Variants in AGBL1 observed in about 807,000 individuals in gnomAD.
AGBL1 encodes the protein cytosolic carboxypeptidase 4.
A neutral mutation model predicts 118.9 loss-of-function variants in AGBL1; 130 were observed. That is an observed-to-expected ratio of 1.09 (90% CI 0.95 to 1.26). AGBL1 has a LOEUF of 1.26. Among genes scored for constraint, AGBL1 ranks in the 50% most tolerant of loss-of-function variants. The pLI, the probability that AGBL1 is intolerant of heterozygous loss-of-function variation, is 0.00. For missense variants in AGBL1, 1,584 were observed against 1,298.1 expected (o/e 1.22, Z -3.38); for synonymous variants, 555 against 478.9 (o/e 1.16, Z -2.08).
At chr15:86,794,236 G>C (rs907301582) in intron 22 of AGBL1, among the ~76,000 whole-genome samples, 1 of 152,192 alleles carries the variant, frequency 6.6e-6, no homozygotes, top group South Asian at 2.1e-4. Context: ...ATAAAAAGTG[G>C]TGTGTCTATA....
intron 23 of AGBL1, among the ~76,000 whole-genome samples, chr15:86,953,070 T>C (rs993684405): frequency 3.9e-5 from 6 of 152,172 alleles, no homozygotes; most frequent in South Asian, 4.1e-4. Flanking sequence ...TTTTGGTTAC[T>C]ATAGTTTTAT....
intron 1 of AGBL1, among the ~76,000 whole-genome samples, chr15:86,127,547 G>A (rs1018351183): frequency 1.1e-4 from 17 of 151,272 alleles, no homozygotes; most frequent in African/African-American, 3.0e-4. Context: ...AGCAGGCCAC[G>A]TGGCCGAGGG....
chr15:86,307,432 T>G (rs1054176558), intron 17 of AGBL1, among the ~76,000 whole-genome samples: 7 of 150,452 alleles, frequency 4.7e-5, no homozygotes, highest in African/African-American at 1.7e-4. Context: ...AATTTGTTAG[T>G]TTTTTTTTGC....
intron 22 of AGBL1, among the ~76,000 whole-genome samples, chr15:86,754,918 C>G (rs1465671016): frequency 2.0e-5 from 3 of 152,056 alleles, no homozygotes; most frequent in African/African-American, 7.2e-5. Context: ...CATATCCATC[C>G]TTTGCTTTCG....
At chr15:86,291,735 C>A (rs894937768) in intron 16 of AGBL1, among the ~76,000 whole-genome samples, 1 of 152,038 alleles carries the variant, frequency 6.6e-6, no homozygotes, top group African/African-American at 2.4e-5. Context: ...AGATTTCATG[C>A]TTAGCTAGTT....
intron 21 of AGBL1, among the ~76,000 whole-genome samples, chr15:86,673,919 GAA>G (rs529295362): frequency 1.3e-5 from 2 of 152,176 alleles, no homozygotes; most frequent in Non-Finnish European, 2.9e-5. Context: ...TTTCAGAAGT[GAA>G]AAAAAACCCT....
At chr15:86,729,645 A>G (rs1250207760) in intron 22 of AGBL1, among the ~76,000 whole-genome samples, 3 of 152,192 alleles carry the variant, frequency 2.0e-5, no homozygotes, top group Non-Finnish European at 4.4e-5. Context: ...TCCCTGGTGC[A>G]TATGTACCGC....
intron 21 of AGBL1, among the ~76,000 whole-genome samples, chr15:86,646,259 G>T (rs1213165888): frequency 1.3e-5 from 2 of 152,156 alleles, no homozygotes; most frequent in African/African-American, 4.8e-5. Context: ...AGAGAGCCAT[G>T]CTGATTTGCA....
intron 22 of AGBL1, among the ~76,000 whole-genome samples, chr15:86,877,399 A>G (rs1007041795): frequency 6.6e-6 from 1 of 152,196 alleles, no homozygotes; most frequent in Non-Finnish European, 1.5e-5. Context: ...TCCATGCAGA[A>G]GAGATTGGGC....
At chr15:86,819,359 A>G (rs2078908047) in intron 22 of AGBL1, among the ~76,000 whole-genome samples, 1 of 152,134 alleles carries the variant, frequency 6.6e-6, no homozygotes, top group African/African-American at 2.4e-5. Context: ...TACTTCTCAC[A>G]TGCTTTGCAT....
At position 86,986,013 on chromosome 15, in the gene AGBL1, C is replaced by A. The variant is rs1015451331; in HGVS notation, c.3222-1974C>A. 1.8e-4 allele frequency among the ~76,000 whole-genome samples: 28 copies of A among 151,756 alleles called. No homozygotes were observed. The South Asian group carries it at 5.4e-3, about 29-fold the overall frequency. ...ATCCTGGCTCACTGCAACTTCTGTC[C>A]CCCGGTTTCAAGCCATTCTCCTGTC... On this transcript the variant is annotated intron_variant, in intron 23 of 24. Coordinates refer to the AGBL1 transcript ENST00000441037.
chr15:86,678,542 T>C (rs570941297), intron 22 of AGBL1, among the ~76,000 whole-genome samples: 2 of 152,272 alleles, frequency 1.3e-5, no homozygotes, highest in South Asian at 4.1e-4. Context: ...TTAAAGGTAC[T>C]CAACTTCTGT....
At chr15:86,526,789 T>A (rs1360086121) in intron 19 of AGBL1, among the ~76,000 whole-genome samples, 1 of 151,738 alleles carries the variant, frequency 6.6e-6, no homozygotes, top group African/African-American at 2.4e-5. Flanking sequence ...TCTCATTAAG[T>A]GGGATAAGCT....
chr15:86,422,936 C>T (rs2081812203), intron 18 of AGBL1, among the ~76,000 whole-genome samples: 1 of 152,280 alleles, frequency 6.6e-6, no homozygotes, highest in African/African-American at 2.4e-5. Flanking sequence ...GAAATTGAGG[C>T]AGTACTTGAT....
At chr15:86,507,106 A>G (rs574301280) in intron 18 of AGBL1, among the ~76,000 whole-genome samples, 83 of 152,220 alleles carry the variant, frequency 5.5e-4, no homozygotes, top group Non-Finnish European at 1.1e-3. Context: ...AAAAAGACGC[A>G]GCCAAGCTAC....
At position 86,247,674 on chromosome 15, in the gene AGBL1, C is replaced by G. The variant is rs536777072; in HGVS notation, c.530C>G (p.Ser177Trp). The G allele has an allele frequency of 2.5e-6, 4 of 1,598,994 alleles. No homozygotes were observed. Among genetic ancestry groups the G allele is most frequent in the Non-Finnish European group, 3.4e-6 (4 of 1,172,814 alleles). Reference sequence around the variant, plus strand: ...CTGCCTTTCCCTTTGTTTTCAGAGTCGAACGGCCGCAGAGCAGTGAACCGA... The same window carrying G: ...CTGCCTTTCCCTTTGTTTTCAGAGTGGAACGGCCGCAGAGCAGTGAACCGA... ...EVLAALLKSK[S>W]NGRRAVNRGY... Residue 177 changes from serine to tryptophan, a missense_variant, in exon 7 of 23, where the codon TCG (serine) becomes TGG (tryptophan). By Grantham distance (177) the Ser-to-Trp change is radical. Transcript: ENST00000614907.
intron 10 of AGBL1, among the ~76,000 whole-genome samples, chr15:86,263,211 A>G (rs2079020696): frequency 6.6e-6 from 1 of 152,218 alleles, no homozygotes; most frequent in Non-Finnish European, 1.5e-5. Flanking sequence ...TAAGATTATA[A>G]TACTGTATTT....
Position 86,615,726 on chromosome 15 carries a change from G to A in AGBL1, c.2995-58547G>A, listed in dbSNP as rs1374211317. Among the ~76,000 whole-genome samples the A allele has an allele frequency of 6.6e-6, 1 of 152,172 alleles. No homozygotes were observed. On this transcript the variant is annotated intron_variant, in intron 21 of 22. Transcript: ENST00000614907. This position sits in a 1 kb window ranked among gnomAD's most constrained non-coding sequence, Gnocchi z 4.3. ...AGATTCAAAACTACTCAAAGCCACA[G>A]AGTTAGAAATGTGAGTTTTATATTG...
In AGBL1 at chr15:86,799,677, A is replaced by G. The variant is rs541642308; in HGVS notation, c.3159-107410A>G. 6.6e-5 allele frequency among the ~76,000 whole-genome samples: 10 copies of G among 152,168 alleles called. No homozygotes were observed. In the East Asian group the frequency reaches 1.7e-3, roughly 26 times the overall value. On this transcript the variant is annotated intron_variant, in intron 22 of 22. Coordinates refer to ENST00000614907, the MANE Select transcript of AGBL1 (RefSeq NM_001386094.1). The stretch of plus-strand genomic sequence containing the variant: ...AATAAGTAATTTGAATTTCACTTCT[A>G]TTTTTTTGTTGACTTTGGACAAAAA...
Sources: allele counts gnomAD v4.1 joint callset (sites outside exome capture counted in the v4.1 genomes callset), GRCh38; gene constraint gnomAD v4.1.1; non-coding constraint Gnocchi (gnomAD v3.1); transcripts MANE v1.5; gene names NCBI Gene and HGNC (gene_info 2026-07-23, HGNC 2026-07-21).